BCR: variants seen among roughly 807,000 people sequenced by gnomAD.
The protein encoded by BCR is BCR activator of RhoGEF and GTPase.
Under a neutral mutation model 138.6 loss-of-function variants are expected in BCR, and 58 were observed. The ratio of observed to expected loss-of-function variants is 0.42; its 90% CI spans 0.34 to 0.52. The LOEUF (loss-of-function observed/expected upper bound fraction) is 0.52, where lower values mean the gene tolerates loss of function less well. Ranked by LOEUF, BCR falls within the 20% of genes least tolerant of loss-of-function variation. The pLI is 0.06. For missense variants in BCR, 1,599 were observed against 1,727.2 expected (o/e 0.93, Z 1.32); for synonymous variants, 786 against 730.1 (o/e 1.08, Z -1.23).
At chr22:23,253,738 G>T in intron 1 of BCR, 61 bp from the exon 2 acceptor site, 1 of 1,544,826 alleles carries the variant, frequency 6.5e-7, no homozygotes, top group South Asian at 1.2e-5. Flanking sequence ...TTGCTGGGAT[G>T]GGTTGAGTAT....
chr22:23,254,610 C>T, intron 2 of BCR: 1 of 518,860 alleles, frequency 1.9e-6, no homozygotes, highest in East Asian at 5.5e-5. Flanking sequence ...TGGTTGCAGG[C>T]TGGATGGTGC....
intron 16 of BCR, among the ~76,000 whole-genome samples, chr22:23,305,854 C>A (rs1206387890): frequency 6.6e-6 from 1 of 152,172 alleles, no homozygotes; most frequent in Non-Finnish European, 1.5e-5. Flanking sequence ...CCCAGGGGGA[C>A]CCTGGACAGC....
intron 16 of BCR, among the ~76,000 whole-genome samples, chr22:23,303,226 A>G (rs1417493570): frequency 2.6e-5 from 4 of 152,242 alleles, no homozygotes; most frequent in Admixed American, 2.6e-4. Flanking sequence ...GAGATACCAC[A>G]GAGAATGAAC....
chr22:23,229,377 A>G (rs1456530791), intron 1 of BCR, among the ~76,000 whole-genome samples: 1 of 151,986 alleles, frequency 6.6e-6, no homozygotes, highest in South Asian at 2.1e-4. Flanking sequence ...TTCCTTTCAC[A>G]GTTTATGTTG....
At chr22:23,299,614 T>C (rs1436394633) in intron 16 of BCR, among the ~76,000 whole-genome samples, 5 of 152,094 alleles carry the variant, frequency 3.3e-5, no homozygotes, top group Admixed American at 3.3e-4. Context: ...CTCTGTGGTA[T>C]CTCCAGTATC....
intron 1 of BCR, among the ~76,000 whole-genome samples, chr22:23,209,042 C>T (rs530296912): frequency 2.0e-5 from 3 of 152,152 alleles, no homozygotes; most frequent in South Asian, 2.1e-4. Context: ...CAAGGTTCAT[C>T]GGTGTTGTAG....
intron 1 of BCR, among the ~76,000 whole-genome samples, chr22:23,197,741 T>G (rs1030917437): frequency 6.6e-6 from 1 of 151,872 alleles, no homozygotes; most frequent in South Asian, 2.1e-4. Context: ...AGCTTTGCCT[T>G]GGGAAGGTGA....
intron 16 of BCR, chr22:23,302,865 G>T (rs2073917718): frequency 6.6e-6 from 1 of 152,116 alleles, no homozygotes; most frequent in African/African-American, 2.4e-5. Flanking sequence ...TCTAGCCATG[G>T]TTCCCACCCA....
chr22:23,247,983 T>A (rs1398445417), intron 1 of BCR, among the ~76,000 whole-genome samples: 1 of 152,224 alleles, frequency 6.6e-6, no homozygotes, highest in Non-Finnish European at 1.5e-5. Flanking sequence ...TTGGGTTCTT[T>A]CCACCTCTTC....
chr22:23,185,988 G>T (rs1250641424), intron 1 of BCR, among the ~76,000 whole-genome samples: 2 of 134,936 alleles, frequency 1.5e-5, no homozygotes, highest in Non-Finnish European at 1.6e-5. Context: ...CTCAGCCTCC[G>T]AAAGTGCTGG....
chr22:23,312,981 C>T lies in BCR; in HGVS notation c.3417C>T (p.Leu1139=), dbSNP rs752577627. 7 of 1,590,908 alleles carry T rather than the reference C, an allele frequency of 4.4e-6. No homozygotes were observed. The highest frequency in any genetic ancestry group is 2.2e-5 in the East Asian group (1 of 44,774). ...ACTTCCGTGAGCTGCCCGAGCCCCT[C>T]TTCACTGACGAGTTCTACCCCAACT... ...KLYFRELPEP[L]FTDEFYPNFA... The change falls in exon 20 of 23, where the codon CTC becomes CTT. Residue 1139 remains leucine, a synonymous_variant. Coordinates refer to ENST00000305877, the MANE Select transcript of BCR (RefSeq NM_004327.4).
At chr22:23,301,740 G>C (rs1156654282) in intron 16 of BCR, among the ~76,000 whole-genome samples, 1 of 152,198 alleles carries the variant, frequency 6.6e-6, no homozygotes, top group Non-Finnish European at 1.5e-5. Context: ...TGGGGAGAGG[G>C]GTCTTCTTGT....
chr22:23,182,360 C>T, intron 1 of BCR, 121 bp downstream of exon 1: 1 of 1,195,476 alleles, frequency 8.4e-7, no homozygotes. Context: ...GTATCAGGTG[C>T]ACTTGTGGTT....
rs769063900 is a variant in BCR, at chr22:23,289,623, T to TA, written c.2707+2_2707+3insA. The TA allele has an allele frequency of 9.4e-6, 15 of 1,592,736 alleles. No individual in the cohort carries two copies. In the African/African-American group the frequency reaches 1.3e-4, roughly 13 times the overall value. ...TTCCGCTGACCATCAATAAGGAAGG[T>TA]GGGCCCCCCCGTTTCCGTGTACAGG... On this transcript the variant is annotated splice_region_variant and intron_variant, in intron 13 of 22. Coordinates refer to ENST00000305877, the MANE Select transcript of BCR (RefSeq NM_004327.4).
chr22:23,223,036 C>T (rs150386563), intron 1 of BCR, among the ~76,000 whole-genome samples: 3 of 152,324 alleles, frequency 2.0e-5, no homozygotes, highest in Non-Finnish European at 4.4e-5. Flanking sequence ...GCCAAAGAAG[C>T]TCTCTTGGGC....
intron 1 of BCR, among the ~76,000 whole-genome samples, chr22:23,190,814 G>C (rs373586450): frequency 3.9e-5 from 6 of 152,106 alleles, no homozygotes; most frequent in African/African-American, 1.4e-4. Flanking sequence ...GGAGGGCTGC[G>C]TGCTAAAACT....
rs2074037777 is a variant in BCR, at chr22:23,314,016, T to C, written c.3506T>C (p.Leu1169Pro). ...GAGAGCTGCATGCTCAACCTGCTGC[T>C]GTCCCTGCCGGAGGCCAACCTGCTC... ...AKESCMLNLL[L>P]SLPEANLLTF... Residue 1169 changes from leucine to proline, a missense_variant, in exon 21 of 23, where the codon CTG becomes CCG. By Grantham distance (98) the Leu-to-Pro change is moderately conservative. Coordinates refer to ENST00000305877, the MANE Select transcript of BCR (RefSeq NM_004327.4). 4 of 1,613,922 alleles carry C rather than the reference T, an allele frequency of 2.5e-6. No homozygotes were observed. The African/African-American group carries it at 4.0e-5, about 16-fold the overall frequency.
At position 23,264,316 on chromosome 22, in the gene BCR, C is replaced by T. The variant is rs574456923; in HGVS notation, c.1752+2776C>T. The T allele has an allele frequency of 3.6e-4, 357 of 983,038 alleles. 8 individuals are homozygous for T. Among genetic ancestry groups the T allele is most frequent in the South Asian group, 3.2e-3 (253 of 78,334 alleles). 60.9% of individuals were successfully genotyped at this position (983,038 alleles called of 1,614,324 possible). ...CTCACCACCAAGCATCTCTATGCTG[C>T]GCTGTCTTACAACCTCCACGTCCTG... On this transcript the variant is annotated intron_variant, in intron 4 of 22. Coordinates refer to ENST00000305877, the MANE Select transcript of BCR (RefSeq NM_004327.4).
chr22:23,262,983 G>A (rs1209894795), intron 4 of BCR: 1 of 879,570 alleles, frequency 1.1e-6, no homozygotes, highest in African/African-American at 1.8e-5. Flanking sequence ...AGGAGATGAG[G>A]GGAGCGTAGG....
Sources: gnomAD v4.1 joint callset for allele counts (sites outside exome capture counted in the v4.1 genomes callset) on GRCh38, gnomAD v4.1.1 for gene constraint, MANE v1.5 for transcripts, NCBI Gene and HGNC (gene_info 2026-07-23, HGNC 2026-07-21) for gene names.